Variants in CYP39A1 observed in about 807,000 individuals in gnomAD.
The protein encoded by CYP39A1 is 24-hydroxycholesterol 7-alpha-hydroxylase.
CYP39A1 carries 49 observed loss-of-function variants against 58.1 expected under a neutral mutation model. The observed-to-expected ratio is 0.84, with a 90% CI of 0.67 to 1.07. The LOEUF is 1.07. Ranked by LOEUF, CYP39A1 falls within the 50% of genes least tolerant of loss-of-function variation. CYP39A1 has a pLI of 0.00. For synonymous variants in CYP39A1, 209 were observed against 187.6 expected (o/e 1.11, Z -0.93); for missense variants, 531 against 539.4 (o/e 0.98, Z 0.16).
rs553009399 is a variant in CYP39A1, at chr6:46,608,834, G to A, written c.932-12714C>T. 2.9e-3 allele frequency among the ~76,000 whole-genome samples: 433 copies of A among 151,828 alleles called. 4 individuals are homozygous for A. The highest frequency in any genetic ancestry group is 9.7e-3 in the African/African-American group (404 of 41,466). The stretch of plus-strand genomic sequence containing the variant: ...TCACTATATTGGCCAGGCTGGTCTC[G>A]AACTCCTGACCTCAGGTGATCCACC... On this transcript the variant is annotated intron_variant, in intron 7 of 11. Coordinates refer to ENST00000275016, the MANE Select transcript of CYP39A1 (RefSeq NM_016593.5).
chr6:46,587,214 G>C (rs1772523490), intron 9 of CYP39A1, 49 bp from the exon 10 acceptor site: 8 of 1,212,700 alleles, frequency 6.6e-6, no homozygotes, highest in Non-Finnish European at 9.6e-6. Flanking sequence ...ATATAAATAA[G>C]CTTAACTTTA....
Position 46,553,799 on chromosome 6 carries a change from C to A in CYP39A1, c.1306G>T (p.Asp436Tyr). The A allele has an allele frequency of 6.2e-7, 1 of 1,611,284 alleles. No homozygotes were observed. The highest frequency in any genetic ancestry group is 1.1e-5 in the South Asian group (1 of 90,754). ...MCIILILYKY[D>Y]CSLLDPLPKQ... ...GGTAATGGGTCCAGAAGACTACAGT[C>A]ATATTTATAAAGTATTAAAATAATA... is the stretch of plus-strand genomic sequence containing the variant. The change falls in exon 11 of 12, where the codon GAC becomes TAC. Residue 436 changes from aspartate to tyrosine, a missense_variant. Coordinates refer to ENST00000275016, the MANE Select transcript of CYP39A1 (RefSeq NM_016593.5).
chr6:46,623,741 G>T (rs1027939602), intron 7 of CYP39A1, among the ~76,000 whole-genome samples: 3 of 151,932 alleles, frequency 2.0e-5, no homozygotes, highest in African/African-American at 7.3e-5. Context: ...TCCTTTGTAT[G>T]GACACATGGA....
At chr6:46,610,023 C>A (rs1455402586) in intron 7 of CYP39A1, among the ~76,000 whole-genome samples, 1 of 152,144 alleles carries the variant, frequency 6.6e-6, no homozygotes, top group African/African-American at 2.4e-5. Flanking sequence ...TCACCGCTAT[C>A]CCCGCAAATT....
rs113466494 is a variant in CYP39A1 at position 46,557,830 on chromosome 6, C to T, written c.1251-3976G>A. Among the ~76,000 whole-genome samples, 758 of 139,730 alleles carry T rather than the reference C, an allele frequency of 5.4e-3. 10 individuals carry two copies. The highest frequency in any genetic ancestry group is 0.02 in the African/African-American group (718 of 36,642). The allele number at this position is 139,730 out of a possible 152,430, so 91.7% of individuals were successfully genotyped here. On this transcript the variant is annotated intron_variant, in intron 10 of 11. Coordinates refer to ENST00000275016, the MANE Select transcript of CYP39A1 (RefSeq NM_016593.5). ...TGGGTGCCTGTAATCCCAGCTACTG[C>T]GGAGGCTGAGGCAGAGAATTGCTTG...
At chr6:46,592,289 G>A (rs2150518444) in intron 8 of CYP39A1, among the ~76,000 whole-genome samples, 1 of 152,162 alleles carries the variant, frequency 6.6e-6, no homozygotes, top group East Asian at 1.9e-4. Flanking sequence ...TTGACCAGTT[G>A]CCCAACAGAG....
intron 7 of CYP39A1, among the ~76,000 whole-genome samples, chr6:46,616,809 A>G (rs749665499): frequency 5.3e-5 from 8 of 152,112 alleles, no homozygotes; most frequent in Non-Finnish European, 1.2e-4. Flanking sequence ...GATGACAAAG[A>G]GTCTCTGAGG....
At chr6:46,639,394 C>A in intron 3 of CYP39A1, 100 bp downstream of exon 3, 2 of 1,172,806 alleles carry the variant, frequency 1.7e-6, no homozygotes, top group South Asian at 1.4e-5. Flanking sequence ...AGGTAGATTT[C>A]ATTAATCAAC....
chr6:46,556,031 C>T (rs1770648916), intron 10 of CYP39A1, among the ~76,000 whole-genome samples: 1 of 152,182 alleles, frequency 6.6e-6, no homozygotes. Flanking sequence ...AACAACTTTG[C>T]TAACTCACAT....
intron 10 of CYP39A1, among the ~76,000 whole-genome samples, chr6:46,567,987 A>AT (rs1057001059): frequency 5.9e-4 from 86 of 146,026 alleles, no homozygotes; most frequent in Non-Finnish European, 9.1e-4. Context: ...CTTATAAGAC[A>AT]TTTTTTTTTA....
intron 8 of CYP39A1, among the ~76,000 whole-genome samples, chr6:46,589,385 T>C (rs1772678926): frequency 6.6e-6 from 1 of 152,038 alleles, no homozygotes; most frequent in South Asian, 2.1e-4. Context: ...CCCAGGAGGT[T>C]GAGGGTACAG....
At chr6:46,586,540 A>G (rs1163507218) in intron 10 of CYP39A1, 43 of 985,346 alleles carry the variant, frequency 4.4e-5, no homozygotes, top group Middle Eastern at 1.0e-3. Flanking sequence ...AACAATGGAC[A>G]CTTGCATTAG....
Position 46,565,078 on chromosome 6 carries a change from C to T in CYP39A1, c.1251-11224G>A, listed in dbSNP as rs113695105. ...GGGCTTGTTAAAACAGATTGCTGGG[C>T]CCCACCCCCAAAGTTTCTGAGTCGG... On this transcript the variant is annotated intron_variant, in intron 10 of 11. Transcript: ENST00000275016. Among the ~76,000 whole-genome samples the T allele has an allele frequency of 7.8e-3, 1,186 of 152,164 alleles. 19 individuals are homozygous for T. Among genetic ancestry groups the T allele is most frequent in the African/African-American group, 0.027 (1,121 of 41,484 alleles).
chr6:46,598,118 T>G (rs1426373877), intron 7 of CYP39A1, among the ~76,000 whole-genome samples: 1 of 152,162 alleles, frequency 6.6e-6, no homozygotes, highest in African/African-American at 2.4e-5. Flanking sequence ...GGAAAAAGGT[T>G]CATGGGCAAC....
chr6:46,619,972 T>C (rs1264254055), intron 7 of CYP39A1, among the ~76,000 whole-genome samples: 2 of 152,080 alleles, frequency 1.3e-5, no homozygotes, highest in Non-Finnish European at 1.5e-5. Flanking sequence ...TCAGTAAAAA[T>C]AGCAGAGCAA....
At chr6:46,617,454 G>T (rs73738803) in intron 7 of CYP39A1, among the ~76,000 whole-genome samples, 1 of 152,068 alleles carries the variant, frequency 6.6e-6, no homozygotes, top group South Asian at 2.1e-4. Flanking sequence ...AGGCTCAGGG[G>T]TATGAATGTT....
rs1160916911 is a variant in CYP39A1 at position 46,579,406 on chromosome 6, T to G, written c.1250+7671A>C. The stretch of plus-strand genomic sequence containing the variant: ...AATAAACTCATAACTGACATCATGC[T>G]GAATGGGCAAAAATCGGAACCCTTC... On this transcript the variant is annotated intron_variant, in intron 10 of 11. Coordinates refer to ENST00000275016, the MANE Select transcript of CYP39A1 (RefSeq NM_016593.5). 4.6e-5 allele frequency among the ~76,000 whole-genome samples: 7 copies of G among 152,098 alleles called. No homozygotes were observed. In the East Asian group the frequency reaches 1.3e-3, roughly 29 times the overall value.
chr6:46,633,552 A>T (rs1000310449), intron 5 of CYP39A1, among the ~76,000 whole-genome samples: 1 of 152,080 alleles, frequency 6.6e-6, no homozygotes, highest in African/African-American at 2.4e-5. Context: ...ACTTTTTTTT[A>T]ATATTAATAT....
At chr6:46,627,702 G>A (rs970990644) in intron 6 of CYP39A1, among the ~76,000 whole-genome samples, 7 of 152,040 alleles carry the variant, frequency 4.6e-5, no homozygotes, top group Non-Finnish European at 1.0e-4. Context: ...ACAGGCGTGA[G>A]CCACTTTTTT....
Sources: allele counts gnomAD v4.1 joint callset (sites outside exome capture counted in the v4.1 genomes callset), GRCh38; gene constraint gnomAD v4.1.1; transcripts MANE v1.5; gene names NCBI Gene and HGNC (gene_info 2026-07-23, HGNC 2026-07-21).